WDR7: variants seen among roughly 807,000 people sequenced by gnomAD.
WDR7 encodes the protein WD repeat domain 7, also known as WD repeat-containing protein 7.
Under a neutral mutation model 169.4 loss-of-function variants are expected in WDR7, and 46 were observed. The observed-to-expected ratio is 0.27, with a 90% CI of 0.21 to 0.35. WDR7 has a LOEUF of 0.35. Among genes scored for constraint, WDR7 ranks in the 10% least tolerant of loss-of-function variants. WDR7 has a pLI of 1.00. For missense variants in WDR7, 1,534 were observed against 1,859.3 expected (o/e 0.83, Z 3.22); for synonymous variants, 612 against 666.8 (o/e 0.92, Z 1.27).
chr18:56,903,626 G>T (rs952049602), intron 21 of WDR7, among the ~76,000 whole-genome samples: 3 of 151,942 alleles, frequency 2.0e-5, no homozygotes, highest in Non-Finnish European at 4.4e-5. Flanking sequence ...CACCATGTTG[G>T]CCAGGCTGGT....
chr18:56,967,379 T>C (rs956213072), intron 26 of WDR7, among the ~76,000 whole-genome samples: 1 of 152,094 alleles, frequency 6.6e-6, no homozygotes, highest in East Asian at 1.9e-4. Context: ...TTTAGGAACA[T>C]ACCTGACTGG....
chr18:56,881,406 T>G (rs1199214295), intron 21 of WDR7, among the ~76,000 whole-genome samples: 1 of 152,128 alleles, frequency 6.6e-6, no homozygotes. Context: ...TTATCTCGAT[T>G]TTATGCATAA....
At chr18:56,897,661 T>C (rs1415539133) in intron 21 of WDR7, among the ~76,000 whole-genome samples, 1 of 151,944 alleles carries the variant, frequency 6.6e-6, no homozygotes, top group Non-Finnish European at 1.5e-5. Context: ...ATCTTTACCT[T>C]TGTATTGTTG....
At chr18:56,706,235 A>G (rs746476657) in intron 12 of WDR7, among the ~76,000 whole-genome samples, 39 of 152,246 alleles carry the variant, frequency 2.6e-4, no homozygotes, top group Admixed American at 1.4e-3. Flanking sequence ...CTTAGAAAAA[A>G]AGAACAAACA....
intron 16 of WDR7, among the ~76,000 whole-genome samples, chr18:56,772,724 AAAAT>A (rs1420178739): frequency 7.9e-5 from 12 of 150,976 alleles, no homozygotes; most frequent in Non-Finnish European, 1.8e-4. Context: ...AGAAAAATCT[AAAAT>A]AATATATAGA....
At chr18:56,910,091 T>C (rs922870081) in intron 21 of WDR7, among the ~76,000 whole-genome samples, 6 of 152,188 alleles carry the variant, frequency 3.9e-5, no homozygotes, top group African/African-American at 1.2e-4. Context: ...GACAATTTCT[T>C]CCTTCAAACT....
intron 12 of WDR7, among the ~76,000 whole-genome samples, chr18:56,697,163 G>T (rs1048637728): frequency 1.6e-4 from 24 of 152,050 alleles, no homozygotes; most frequent in African/African-American, 5.6e-4. Context: ...TCATTTGTTT[G>T]CACATATAGA....
At chr18:57,018,878 G>A (rs1427175481) in intron 26 of WDR7, among the ~76,000 whole-genome samples, 1 of 152,194 alleles carries the variant, frequency 6.6e-6, no homozygotes, top group African/African-American at 2.4e-5. Context: ...TAGTAAGTGG[G>A]AATGGACCAC....
At chr18:56,923,154 C>T (rs906375124) in intron 21 of WDR7, among the ~76,000 whole-genome samples, 1 of 152,154 alleles carries the variant, frequency 6.6e-6, no homozygotes, top group African/African-American at 2.4e-5. Flanking sequence ...ATTGGCTTTT[C>T]GTAACCCCTG....
chr18:56,895,480 T>C (rs2046320521), intron 21 of WDR7, among the ~76,000 whole-genome samples: 1 of 70,640 alleles, frequency 1.4e-5, no homozygotes. Context: ...ACTTGGATTT[T>C]TTTAAAAATT....
intron 21 of WDR7, among the ~76,000 whole-genome samples, chr18:56,905,648 G>C (rs950949685): frequency 1.3e-5 from 2 of 150,054 alleles, no homozygotes; most frequent in African/African-American, 4.9e-5. Context: ...TATATCATAT[G>C]AAATTATACA....
intron 12 of WDR7, among the ~76,000 whole-genome samples, chr18:56,704,739 T>C (rs145441863): frequency 4.9e-4 from 75 of 152,314 alleles, no homozygotes; most frequent in African/African-American, 1.7e-3. Context: ...GCTGATATCA[T>C]GCCAAACATT....
intron 26 of WDR7, among the ~76,000 whole-genome samples, chr18:57,003,414 C>T (rs2048010378): frequency 6.6e-6 from 1 of 152,004 alleles, no homozygotes; most frequent in Non-Finnish European, 1.5e-5. Context: ...ATTTAAAAAG[C>T]ACTCTTTTTA....
intron 21 of WDR7, among the ~76,000 whole-genome samples, chr18:56,880,965 G>C (rs997907462): frequency 2.0e-5 from 3 of 152,162 alleles, no homozygotes; most frequent in African/African-American, 7.2e-5. Context: ...AACAAATATA[G>C]TCCAACTGAA....
chr18:56,887,314 C>T (rs1257667982), intron 21 of WDR7, among the ~76,000 whole-genome samples: 1 of 152,104 alleles, frequency 6.6e-6, no homozygotes, highest in Non-Finnish European at 1.5e-5. Context: ...ATGATTTCTC[C>T]TCAACTTTCC....
At chr18:56,987,107 A>G (rs532930756) in intron 26 of WDR7, among the ~76,000 whole-genome samples, 28 of 152,138 alleles carry the variant, frequency 1.8e-4, no homozygotes, top group Middle Eastern at 3.4e-3. Flanking sequence ...CATGTTCACA[A>G]TTGTTTTGAG....
intron 7 of WDR7, 106 bp from the exon 8 acceptor site, chr18:56,691,110 G>A: frequency 2.7e-6 from 4 of 1,480,750 alleles, no homozygotes; most frequent in Non-Finnish European, 2.7e-6. Context: ...AGCAAACTGA[G>A]TTTTCTAAAT....
chr18:56,893,727 A>C (rs1403422738), intron 21 of WDR7, among the ~76,000 whole-genome samples: 1 of 152,060 alleles, frequency 6.6e-6, no homozygotes, highest in Admixed American at 6.6e-5. Context: ...TGGTTTTTAA[A>C]TTATATTCTT....
At chr18:56,849,692 G>A (rs558823173) in intron 20 of WDR7, among the ~76,000 whole-genome samples, 52 of 152,110 alleles carry the variant, frequency 3.4e-4, no homozygotes, top group Admixed American at 8.5e-4. Flanking sequence ...CTTTAAAAAC[G>A]TAAATCAGAT....
Sources: gnomAD v4.1 joint callset for allele counts (sites outside exome capture counted in the v4.1 genomes callset) on GRCh38, gnomAD v4.1.1 for gene constraint, MANE v1.5 for transcripts, NCBI Gene and HGNC (gene_info 2026-07-23, HGNC 2026-07-21) for gene names.